The following DLGAP1 variants were observed in gnomAD, a reference collection of about 807,000 sequenced individuals.
DLGAP1 encodes DLG associated protein 1.
DLGAP1 carries 11 observed loss-of-function variants against 90.8 expected under a neutral mutation model. That is an observed-to-expected ratio of 0.12 (90% CI 0.08 to 0.20). The LOEUF (loss-of-function observed/expected upper bound fraction) is 0.20. DLGAP1 is among the 10% of genes least tolerant of loss of function. The pLI is 1.00. For synonymous variants in DLGAP1, 558 were observed against 540.7 expected (o/e 1.03, Z -0.44); for missense variants, 1,050 against 1,333.8 (o/e 0.79, Z 3.31).
intron 3 of DLGAP1, among the ~76,000 whole-genome samples, chr18:4,002,873 C>T (rs2074223164): frequency 6.6e-6 from 1 of 152,170 alleles, no homozygotes; most frequent in Non-Finnish European, 1.5e-5. Context: ...TCTTTCTACA[C>T]TGCCAGGTCT....
intron 1 of DLGAP1, among the ~76,000 whole-genome samples, chr18:4,436,198 T>C (rs1426482498): frequency 1.3e-5 from 2 of 152,176 alleles, no homozygotes; most frequent in African/African-American, 2.4e-5. Flanking sequence ...TGATCTTTTA[T>C]GTTTCTTTTT....
intron 2 of DLGAP1, among the ~76,000 whole-genome samples, chr18:4,137,235 AT>A (rs1182581258): frequency 6.6e-6 from 1 of 152,072 alleles, no homozygotes; most frequent in Non-Finnish European, 1.5e-5. Flanking sequence ...TGAACTCATC[AT>A]TTTTTATGGC....
chr18:4,283,986 A>G (rs968849919), intron 1 of DLGAP1, among the ~76,000 whole-genome samples: 8 of 152,062 alleles, frequency 5.3e-5, no homozygotes, highest in Non-Finnish European at 8.8e-5. Context: ...TCTTTCCCCA[A>G]AGGAAACACA....
At chr18:4,192,010 T>C (rs2077409774) in intron 1 of DLGAP1, among the ~76,000 whole-genome samples, 2 of 152,144 alleles carry the variant, frequency 1.3e-5, no homozygotes, top group African/African-American at 2.4e-5. Flanking sequence ...CTAGGACTCA[T>C]AGTAAAGATA....
chr18:3,983,347 G>A (rs891440559), intron 3 of DLGAP1: 6 of 152,164 alleles, frequency 3.9e-5, no homozygotes, highest in Non-Finnish European at 8.8e-5. Context: ...GTTCTAACAG[G>A]ACCCTAAATT....
chr18:4,189,872 G>T (rs1598583375), intron 1 of DLGAP1, among the ~76,000 whole-genome samples: 1 of 152,166 alleles, frequency 6.6e-6, no homozygotes, highest in East Asian at 1.9e-4. Context: ...AAGATAGACT[G>T]GACCTCCACA....
At chr18:3,738,423 A>G (rs2062751555) in intron 6 of DLGAP1, among the ~76,000 whole-genome samples, 1 of 147,906 alleles carries the variant, frequency 6.8e-6, no homozygotes, top group Non-Finnish European at 1.5e-5. Flanking sequence ...GTACCAAAAC[A>G]GAGATATAGA....
In DLGAP1 at chr18:4,357,793, C is replaced by T. The variant is rs554844985; in HGVS notation, c.-267+97213G>A. On this transcript the variant is annotated intron_variant, in intron 1 of 12. Transcript: ENST00000315677. ...TCTCCACTGATTAACAAACAGGCCCCTTTGGAGGGCAGGGCCTATGTACCA... is the reference window on the plus strand; with the variant it reads ...TCTCCACTGATTAACAAACAGGCCCTTTTGGAGGGCAGGGCCTATGTACCA... 3.9e-5 allele frequency among the ~76,000 whole-genome samples: 6 copies of T among 152,304 alleles called. No homozygotes were observed. The East Asian group carries it at 1.2e-3, about 29-fold the overall frequency.
At chr18:4,227,391 A>G (rs1022293308) in intron 1 of DLGAP1, among the ~76,000 whole-genome samples, 1 of 152,098 alleles carries the variant, frequency 6.6e-6, no homozygotes, top group African/African-American at 2.4e-5. Context: ...CAACGGCTGC[A>G]GAATACACAT....
chr18:3,969,865 A>G (rs1484237784), intron 3 of DLGAP1, among the ~76,000 whole-genome samples: 1 of 152,176 alleles, frequency 6.6e-6, no homozygotes, highest in African/African-American at 2.4e-5. Flanking sequence ...TTTCTTGAAT[A>G]GAATATGTAA....
chr18:4,375,610 A>C lies in DLGAP1; in HGVS notation c.-267+79396T>G, dbSNP rs143878234. Among the ~76,000 whole-genome samples the C allele has an allele frequency of 4.5e-3, 690 of 152,234 alleles. 2 individuals are homozygous for C. The highest frequency in any genetic ancestry group is 6.2e-3 in the Non-Finnish European group (420 of 67,992). On this transcript the variant is annotated intron_variant, in intron 1 of 12. Coordinates refer to ENST00000315677, the MANE Select transcript of DLGAP1 (RefSeq NM_004746.4). ...TATTTGATCTACCAGAGCCTCCTAGATTGATTTGATTTCAACATTACAATG... is the reference window on the plus strand; with the variant it reads ...TATTTGATCTACCAGAGCCTCCTAGCTTGATTTGATTTCAACATTACAATG...
intron 1 of DLGAP1, among the ~76,000 whole-genome samples, chr18:4,334,728 A>T (rs2081032826): frequency 6.6e-6 from 1 of 151,864 alleles, no homozygotes; most frequent in African/African-American, 2.4e-5. Context: ...AGTGGCTGCT[A>T]CCACACTAAT....
At chr18:4,405,719 A>G (rs1391484353) in intron 1 of DLGAP1, among the ~76,000 whole-genome samples, 1 of 152,168 alleles carries the variant, frequency 6.6e-6, no homozygotes, top group East Asian at 1.9e-4. Flanking sequence ...TTAGAAGACT[A>G]TCTCAAGACA....
intron 7 of DLGAP1, among the ~76,000 whole-genome samples, chr18:3,678,287 T>A (rs1234562569): frequency 6.6e-6 from 1 of 152,072 alleles, no homozygotes; most frequent in Admixed American, 6.6e-5. Flanking sequence ...TAACATACCT[T>A]GGCCTTTCCC....
intron 1 of DLGAP1, among the ~76,000 whole-genome samples, chr18:4,220,901 T>A (rs1311653781): frequency 6.6e-5 from 10 of 152,156 alleles, no homozygotes; most frequent in Non-Finnish European, 1.5e-4. Flanking sequence ...CTTATAAGAT[T>A]ATAATATCAT....
intron 5 of DLGAP1, among the ~76,000 whole-genome samples, chr18:3,772,346 C>T (rs151313891): frequency 0.15 from 2,098 of 13,862 alleles, 67 homozygotes; most frequent in African/African-American, 0.18. Context: ...CTCTCTCTCT[C>T]TCTTTCTTTC....
chr18:4,453,638 T>A (rs1598446827), intron 1 of DLGAP1, among the ~76,000 whole-genome samples: 1 of 152,320 alleles, frequency 6.6e-6, no homozygotes, highest in African/African-American at 2.4e-5. Flanking sequence ...ATTTCTCATC[T>A]CCATGTCTAA....
intron 1 of DLGAP1, among the ~76,000 whole-genome samples, chr18:4,231,745 C>T (rs1168716660): frequency 1.3e-5 from 2 of 152,046 alleles, no homozygotes; most frequent in African/African-American, 2.4e-5. Flanking sequence ...CTGAGTAAAT[C>T]CTCTTTCCTT....
chr18:3,704,806 T>C (rs994361080), intron 7 of DLGAP1, among the ~76,000 whole-genome samples: 10 of 152,188 alleles, frequency 6.6e-5, no homozygotes, highest in African/African-American at 2.2e-4. Context: ...GGGCTTTATC[T>C]GTCACTCAGC....
Sources: allele counts gnomAD v4.1 joint callset (sites outside exome capture counted in the v4.1 genomes callset), GRCh38; gene constraint gnomAD v4.1.1; transcripts MANE v1.5; gene names NCBI Gene and HGNC (gene_info 2026-07-23, HGNC 2026-07-21).